Variants in ARMCX4 observed in about 807,000 individuals in gnomAD.
ARMCX4 encodes armadillo repeat-containing X-linked protein 4.
ARMCX4 carries 3 observed loss-of-function variants against 34.7 expected under a neutral mutation model. The ratio of observed to expected loss-of-function variants is 0.09; its 90% CI spans 0.04 to 0.22. The LOEUF (loss-of-function observed/expected upper bound fraction) is 0.22, where lower values mean the gene tolerates loss of function less well. Ranked by LOEUF, ARMCX4 falls within the 10% of genes least tolerant of loss-of-function variation. The pLI, the probability that ARMCX4 is intolerant of heterozygous loss-of-function variation, is 1.00. For synonymous variants in ARMCX4, 513 were observed against 632.8 expected (o/e 0.81, Z 2.84); for missense variants, 1,448 against 1,720.8 (o/e 0.84, Z 2.81).
chrX:101,493,360 G>A lies in ARMCX4; in HGVS notation c.4771G>A (p.Asp1591Asn). The A allele has an allele frequency of 1.2e-5, 14 of 1,155,254 alleles. No individual in the cohort carries two copies. The highest frequency in any genetic ancestry group is 1.6e-5 in the Non-Finnish European group (14 of 872,688). The change falls in exon 6 of 6, where the codon GAC becomes AAC. Residue 1591 changes from aspartate (D) to asparagine (N), a missense_variant. Physicochemically the swap from Asp to Asn is conservative, Grantham distance 23. Transcript: ENST00000423738. ...AGGGGGGTTCTGGCCTGGTGCTGGG[G>A]ACCAGACTGGTGGAGGCTCCAGGCC... ...IGGGFWPGAG[D>N]QTGGGSRPGS...
At chrX:101,528,569 T>C (rs1441791577) in intron 11 of ARMCX4, among the ~76,000 whole-genome samples, 3 of 111,707 alleles carry the variant, frequency 2.7e-5, no homozygotes, top group African/African-American at 9.8e-5. Flanking sequence ...GACATGATTG[T>C]ATATTTAGAA....
At chrX:101,443,207 C>A (rs1931420704) in intron 2 of ARMCX4, among the ~76,000 whole-genome samples, 1 of 109,559 alleles carries the variant, frequency 9.1e-6, no homozygotes, top group East Asian at 2.9e-4. Context: ...GAGGCCACAT[C>A]TTTTAAGTCA....
intron 2 of ARMCX4, among the ~76,000 whole-genome samples, chrX:101,437,468 A>T (rs1603111106): frequency 9.0e-6 from 1 of 111,311 alleles, no homozygotes; most frequent in Admixed American, 9.6e-5. Context: ...GGTAATTTGT[A>T]TTTCTGTGGG....
At chrX:101,437,704 C>T (rs1466175463) in intron 2 of ARMCX4, among the ~76,000 whole-genome samples, 1 of 111,314 alleles carries the variant, frequency 9.0e-6, no homozygotes, top group South Asian at 3.7e-4. Flanking sequence ...AATGTGTTTG[C>T]TCTTGCTTCT....
chrX:101,447,137 C>G (rs1931698516), downstream of ARMCX4, among the ~76,000 whole-genome samples: 1 of 111,552 alleles, frequency 9.0e-6, no homozygotes, highest in Non-Finnish European at 1.9e-5. Flanking sequence ...AGGGAATGAT[C>G]TGAAAGAGAG....
intron 7 of ARMCX4, among the ~76,000 whole-genome samples, chrX:101,503,113 A>T (rs1285002428): frequency 1.8e-4 from 20 of 109,238 alleles, no homozygotes; most frequent in African/African-American, 6.7e-4. Flanking sequence ...AAGGACATGA[A>T]TTCATCCTTT....
chrX:101,535,356 G>A (rs1935201309), downstream of ARMCX4, among the ~76,000 whole-genome samples: 1 of 111,524 alleles, frequency 9.0e-6, no homozygotes, highest in Non-Finnish European at 1.9e-5. Context: ...AACTTCCTAG[G>A]TGATTATTTC....
At chrX:101,439,001 A>G (rs1250250830) in intron 2 of ARMCX4, among the ~76,000 whole-genome samples, 2 of 111,797 alleles carry the variant, frequency 1.8e-5, no homozygotes, top group Non-Finnish European at 3.8e-5. Context: ...GTGTGAATTT[A>G]ATCCTGTCAT....
chrX:101,458,479 A>T (rs1932429024), intron 4 of ARMCX4, among the ~76,000 whole-genome samples: 1 of 110,462 alleles, frequency 9.1e-6, no homozygotes, highest in African/African-American at 3.3e-5. Context: ...GTTGACACAT[A>T]AGACAGTCAA....
chrX:101,451,322 G>C (rs1325595396), downstream of ARMCX4, among the ~76,000 whole-genome samples: 1 of 111,549 alleles, frequency 9.0e-6, no homozygotes, highest in Non-Finnish European at 1.9e-5. Flanking sequence ...AGTTCAGCCT[G>C]GTTTTGCTTT....
At chrX:101,437,782 T>C (rs1451316937) in intron 2 of ARMCX4, among the ~76,000 whole-genome samples, 2 of 112,211 alleles carry the variant, frequency 1.8e-5, no homozygotes, top group African/African-American at 6.5e-5. Context: ...TGTGGGAATT[T>C]CGTGCTATAA....
At chrX:101,430,175 A>G (rs1216343115) in intron 2 of ARMCX4, among the ~76,000 whole-genome samples, 1 of 112,415 alleles carries the variant, frequency 8.9e-6, no homozygotes, top group African/African-American at 3.2e-5. Context: ...ACTCATTCCT[A>G]CTACATAGAA....
At chrX:101,485,587 G>GGCA (rs1556006574) in intron 1 of ARMCX4, 57 bp downstream of exon 1, 1 of 173,988 alleles carries the variant, frequency 5.7e-6, no homozygotes. Context: ...CACTGACCCC[G>GGCA]GCAGCGGTTA....
intron 2 of ARMCX4, among the ~76,000 whole-genome samples, chrX:101,433,249 C>T (rs1343607675): frequency 1.2e-4 from 3 of 24,967 alleles, no homozygotes; most frequent in Non-Finnish European, 3.9e-4. Flanking sequence ...TGTATATATA[C>T]ACACATATAT....
At chrX:101,433,011 T>C (rs6621059) in intron 2 of ARMCX4, among the ~76,000 whole-genome samples, 9,450 of 82,872 alleles carry the variant, frequency 0.11, 288 homozygotes, top group Non-Finnish European at 0.13. Flanking sequence ...TGTGTATATA[T>C]ACACATATGT....
At chrX:101,514,159 G>A (rs1556017062) in intron 11 of ARMCX4, among the ~76,000 whole-genome samples, 2 of 111,196 alleles carry the variant, frequency 1.8e-5, no homozygotes, top group Non-Finnish European at 3.8e-5. Context: ...CCTACTGGAA[G>A]CATTTCTCCC....
At chrX:101,449,186 G>T (rs1254784903), downstream of ARMCX4, among the ~76,000 whole-genome samples, 2 of 112,125 alleles carry the variant, frequency 1.8e-5, no homozygotes, top group African/African-American at 6.5e-5. Context: ...GATTACAGGC[G>T]TGAGCCACCT....
intron 9 of ARMCX4, chrX:101,509,520 G>T (rs978496122): frequency 1.8e-5 from 2 of 111,205 alleles, no homozygotes; most frequent in African/African-American, 6.5e-5. Flanking sequence ...ATATATTCAA[G>T]AATCACATCA....
intron 4 of ARMCX4, among the ~76,000 whole-genome samples, chrX:101,466,598 C>G (rs1268868703): frequency 8.9e-6 from 1 of 112,119 alleles, no homozygotes; most frequent in African/African-American, 3.2e-5. Flanking sequence ...CTCAAAAGCA[C>G]TATGTTAAAT....
Sources: allele counts gnomAD v4.1 joint callset (sites outside exome capture counted in the v4.1 genomes callset), GRCh38; gene constraint gnomAD v4.1.1; transcripts MANE v1.5; gene names NCBI Gene and HGNC (gene_info 2026-07-23, HGNC 2026-07-21).